MATN4: variants seen among roughly 807,000 people sequenced by gnomAD.
MATN4 encodes the protein matrilin 4, also known as matrilin-4.
MATN4 carries 40 observed loss-of-function variants against 54.6 expected under a neutral mutation model. The ratio of observed to expected loss-of-function variants is 0.73; its 90% CI spans 0.57 to 0.95. MATN4 has a LOEUF of 0.95. MATN4 is among the 40% of genes least tolerant of loss of function. The pLI is 0.00. For synonymous variants in MATN4, 351 were observed against 345.3 expected (o/e 1.02, Z -0.18); for missense variants, 810 against 819.1 (o/e 0.99, Z 0.13).
Position 45,298,197 on chromosome 20 carries a change from C to A in MATN4, c.1399G>T (p.Val467Leu), listed in dbSNP as rs768021595. 6.9e-6 allele frequency: 11 copies of A among 1,601,060 alleles called. No homozygotes were observed. Among genetic ancestry groups the A allele is most frequent in the Non-Finnish European group, 8.5e-6 (10 of 1,170,704 alleles). ...TDGRSQDDIS[V>L]WAARAKEEGI... ...TCCTCCTTGGCGCGCGCTGCCCACA[C>A]CGAGATGTCATCCTGGGAGCGGCCA... The change falls in exon 7 of 10, where the codon GTG becomes TTG. Residue 467 changes from valine to leucine, a missense_variant. Physicochemically the swap from Val to Leu is conservative, Grantham distance 32. Transcript: ENST00000372756. This position sits in a 1 kb window ranked among gnomAD's most constrained non-coding sequence, Gnocchi z 4.6.
chr20:45,308,341 C>A, upstream of MATN4: 4 of 866,790 alleles, frequency 4.6e-6, no homozygotes, highest in South Asian at 2.8e-5. Context: ...CCAGGGCTGG[C>A]GGGTGGGGAG....
chr20:45,304,177 A>G lies in MATN4; in HGVS notation c.643+51T>C, dbSNP rs1242392653. 18 of 1,403,936 alleles carry G rather than the reference A, an allele frequency of 1.3e-5. No homozygotes were observed. The Middle Eastern group carries it at 2.5e-3, about 192-fold the overall frequency. The allele number at this position is 1,403,936 out of a possible 1,614,324, so 87.0% of individuals were successfully genotyped here. A position where few individuals can be genotyped will look rare whatever the true frequency, so the allele number is the denominator to read the frequency against. On this transcript the variant is annotated intron_variant, in intron 3 of 9. Transcript: ENST00000372756. The stretch of plus-strand genomic sequence containing the variant: ...ATTTACTGTGGTGGGAAAGGAATCC[A>G]AGCATTTGGATTGAGAGTTCGAGCT...
At chr20:45,297,225 G>C (rs1467995996) in intron 8 of MATN4, among the ~76,000 whole-genome samples, 2 of 151,876 alleles carry the variant, frequency 1.3e-5, no homozygotes, top group African/African-American at 4.8e-5. Flanking sequence ...CTGATAAATG[G>C]GAAGAAGAGT....
intron 1 of MATN4, among the ~76,000 whole-genome samples, chr20:45,306,349 G>A (rs1424254565): frequency 7.2e-5 from 11 of 152,144 alleles, no homozygotes; most frequent in Non-Finnish European, 1.5e-4. Context: ...AAGTGGCTGC[G>A]GCAGGATACA....
intron 2 of MATN4, among the ~76,000 whole-genome samples, chr20:45,305,039 G>A (rs933481504): frequency 8.5e-5 from 13 of 152,176 alleles, no homozygotes; most frequent in African/African-American, 3.1e-4. Flanking sequence ...TGACGAGGGG[G>A]CAAGGAAGCG....
chr20:45,297,784 G>A (rs1472689911), intron 8 of MATN4, 134 bp downstream of exon 8: 1 of 1,117,186 alleles, frequency 9.0e-7, no homozygotes, highest in Non-Finnish European at 1.3e-6. Context: ...GACCACATTT[G>A]GAGTAGCAAA....
intron 8 of MATN4, among the ~76,000 whole-genome samples, 197 bp from the exon 9 acceptor site, chr20:45,294,212 T>C (rs948305575): frequency 7.2e-5 from 11 of 152,184 alleles, no homozygotes; most frequent in Non-Finnish European, 1.3e-4. Context: ...ATCTATAAAA[T>C]GGATATAATG....
At chr20:45,295,581 G>A (rs1985762078) in intron 8 of MATN4, among the ~76,000 whole-genome samples, 1 of 152,076 alleles carries the variant, frequency 6.6e-6, no homozygotes, top group African/African-American at 2.4e-5. Context: ...TAGAGACGGG[G>A]TTTCACTGTG....
chr20:45,303,410 C>T, intron 3 of MATN4: 1 of 716,958 alleles, frequency 1.4e-6, no homozygotes, highest in African/African-American at 1.7e-5. Context: ...TTGTTATCTG[C>T]TGCTAGCTTG....
At chr20:45,297,851 T>C (rs1985941542) in intron 8 of MATN4, 67 bp downstream of exon 8, 1 of 1,576,844 alleles carries the variant, frequency 6.3e-7, no homozygotes, top group African/African-American at 1.3e-5. Flanking sequence ...AGGGAGTGAA[T>C]AGGAAGGGGA....
In MATN4 at chr20:45,298,037, G is replaced by T. The variant is rs1206411122; in HGVS notation, c.1460C>A (p.Ala487Glu). The change falls in exon 8 of 10, where the codon GCG becomes GAG. Residue 487 changes from alanine (A) to glutamate (E), a missense_variant. Transcript: ENST00000372756. This position sits in a 1 kb window ranked among gnomAD's most constrained non-coding sequence, Gnocchi z 4.6. ...GATCTCGCGCAGCTCCGCCTCCACC[G>T]CCTTGCCCACGCCCACGGCGTACAT... ...IVMYAVGVGK[A>E]VEAELREIAS... 1.9e-6 allele frequency: 3 copies of T among 1,613,652 alleles called. No individual in the cohort carries two copies. The African/African-American group carries it at 4.0e-5, about 22-fold the overall frequency.
chr20:45,297,886 G>A, intron 8 of MATN4, 32 bp downstream of exon 8: 1 of 1,612,272 alleles, frequency 6.2e-7, no homozygotes, highest in Non-Finnish European at 8.5e-7. Flanking sequence ...GGCAATGAGA[G>A]AGAGGAGGAG....
In MATN4 at chr20:45,298,311, G is replaced by T. The variant is rs372468063; in HGVS notation, c.1285C>A (p.Arg429=). 1 of 1,613,488 alleles carries T rather than the reference G, an allele frequency of 6.2e-7. No individual in the cohort carries two copies. Among genetic ancestry groups the T allele is most frequent in the Non-Finnish European group, 8.5e-7 (1 of 1,179,906 alleles). The change falls in exon 7 of 10, where the codon CGG becomes AGG. Residue 429 remains arginine, a synonymous_variant. Transcript: ENST00000372756. This position sits in a 1 kb window ranked among gnomAD's most constrained non-coding sequence, Gnocchi z 4.6. ...ERGTMTGLAL[R]HMVEHSFSEA... is the part of the protein sequence containing the mutation. ...GAGAAGCTGTGCTCCACCATGTGCC[G>T]CAACGCCAGCCCTGTCATGGTGCCG...
chr20:45,308,415 G>T (rs1986941624), upstream of MATN4: 3 of 597,044 alleles, frequency 5.0e-6, no homozygotes, highest in Admixed American at 8.4e-5. Context: ...CCTGAGGGGG[G>T]GCAAACCCAG....
intron 8 of MATN4, among the ~76,000 whole-genome samples, chr20:45,296,032 G>A (rs1374469869): frequency 6.6e-6 from 1 of 151,568 alleles, no homozygotes; most frequent in African/African-American, 2.4e-5. Flanking sequence ...TGGCTAACAC[G>A]GTGAAACCCC....
intron 3 of MATN4, chr20:45,303,559 C>A: frequency 1.5e-6 from 1 of 674,688 alleles, no homozygotes; most frequent in Non-Finnish European, 2.8e-6. Context: ...TGGGCAGAAG[C>A]CTCCAACAAG....
At chr20:45,303,081 T>TTAAAA (rs1986336483) in intron 3 of MATN4, among the ~76,000 whole-genome samples, 1 of 44,052 alleles carries the variant, frequency 2.3e-5, no homozygotes, top group Non-Finnish European at 4.1e-5. Context: ...AGACTCTGTC[T>TTAAAA]CAAAAAAAAA....
chr20:45,300,500 T>G (rs905534173), intron 6 of MATN4, among the ~76,000 whole-genome samples: 1 of 152,184 alleles, frequency 6.6e-6, no homozygotes, highest in African/African-American at 2.4e-5. Context: ...AAACTCTATA[T>G]TGTCTTCCAC....
At position 45,301,383 on chromosome 20, in the gene MATN4, C is replaced by G. The variant is rs548995408; in HGVS notation, c.704G>C (p.Gly235Ala). The G allele has an allele frequency of 3.1e-6, 5 of 1,614,116 alleles. No individual in the cohort carries two copies. Among genetic ancestry groups the G allele is most frequent in the African/African-American group, 2.7e-5 (2 of 75,030 alleles). The change falls in exon 4 of 10, where the codon GGC (glycine) becomes GCC (alanine). Residue 235 changes from glycine (G) to alanine (A), a missense_variant. Physicochemically the swap from Gly to Ala is moderately conservative, Grantham distance 60 (BLOSUM62 0). Transcript: ENST00000372756. The stretch of plus-strand genomic sequence containing the variant: ...AACTTGGCAGTGACAGAAATAGGAG[C>G]CTGGGGAATTGACGCAGTGGTGCTC... The part of the protein sequence containing the change: ...GCEHHCVNSP[G>A]SYFCHCQVGF...
Sources: allele counts gnomAD v4.1 joint callset (sites outside exome capture counted in the v4.1 genomes callset), GRCh38; gene constraint gnomAD v4.1.1; non-coding constraint Gnocchi (gnomAD v3.1); transcripts MANE v1.5; gene names NCBI Gene and HGNC (gene_info 2026-07-23, HGNC 2026-07-21).